Variants in JCHAIN observed in about 807,000 individuals in gnomAD.
The protein encoded by JCHAIN is immunoglobulin J chain.
JCHAIN carries 5 observed loss-of-function variants against 11.1 expected under a neutral mutation model. The observed-to-expected ratio is 0.45, with a 90% confidence interval of 0.24 to 0.95. The LOEUF (loss-of-function observed/expected upper bound fraction) is 0.95. Ranked by LOEUF, JCHAIN falls within the 40% of genes least tolerant of loss-of-function variation. The probability of loss-of-function intolerance (pLI) is 0.21; values close to 1 mark genes in which losing one functional copy is unlikely to be tolerated. For synonymous variants in JCHAIN, 51 were observed against 67.8 expected (o/e 0.75, Z 1.22); for missense variants, 165 against 192.7 (o/e 0.86, Z 0.85).
intron 2 of JCHAIN, among the ~76,000 whole-genome samples, chr4:70,659,056 T>C (rs1344560935): frequency 6.6e-6 from 1 of 152,178 alleles, no homozygotes; most frequent in Non-Finnish European, 1.5e-5. Context: ...TCTAGTAATA[T>C]CAGAAAAAGG....
intron 3 of JCHAIN, 48 bp downstream of exon 3, chr4:70,657,163 G>A: frequency 1.1e-6 from 1 of 944,044 alleles, no homozygotes; most frequent in Middle Eastern, 2.2e-4. Context: ...AAAATTAAAA[G>A]CTATTAACTT....
chr4:70,657,905 C>G (rs961806852), intron 2 of JCHAIN, among the ~76,000 whole-genome samples: 1 of 152,158 alleles, frequency 6.6e-6, no homozygotes, highest in African/African-American at 2.4e-5. Flanking sequence ...AAAGCTGGAA[C>G]TTTTTCATCG....
intron 3 of JCHAIN, among the ~76,000 whole-genome samples, chr4:70,656,857 G>A (rs1281107490): frequency 3.9e-5 from 6 of 152,100 alleles, no homozygotes; most frequent in Non-Finnish European, 4.4e-5. Flanking sequence ...ATAGTGACAA[G>A]AAAGGGAGAA....
chr4:70,656,637 G>GACATGACAGC, intron 3 of JCHAIN, 98 bp from the exon 4 acceptor site: 1 of 828,294 alleles, frequency 1.2e-6, no homozygotes, highest in South Asian at 1.5e-5. Flanking sequence ...TTGCAGCTCT[G>GACATGACAGC]ACATGACAGC....
chr4:70,661,867 T>G (rs903351971), intron 2 of JCHAIN, among the ~76,000 whole-genome samples: 2 of 152,248 alleles, frequency 1.3e-5, no homozygotes, highest in Non-Finnish European at 2.9e-5. Context: ...TGTTTATAAT[T>G]TGATGTAGCC....
intron 1 of JCHAIN, among the ~76,000 whole-genome samples, chr4:70,662,726 C>A (rs1246972731): frequency 6.6e-6 from 1 of 152,018 alleles, no homozygotes; most frequent in African/African-American, 2.4e-5. Flanking sequence ...TTTGGGAGGC[C>A]GAGGCGGGCA....
chr4:70,657,544 C>A (rs1181203617), intron 2 of JCHAIN, among the ~76,000 whole-genome samples: 2 of 152,100 alleles, frequency 1.3e-5, no homozygotes, highest in East Asian at 3.9e-4. Flanking sequence ...TTTTGCTTTT[C>A]CTTTAAAACT....
chr4:70,662,279 GTTATT>G, intron 1 of JCHAIN, 64 bp from the exon 2 acceptor site: 1 of 1,438,630 alleles, frequency 7.0e-7, no homozygotes, highest in Non-Finnish European at 9.6e-7. Flanking sequence ...TTTGTATTGA[GTTATT>G]TTATCTTTCT....
In JCHAIN at chr4:70,666,434, A is replaced by T; in HGVS notation, c.57T>A (p.His19Gln). 1 of 1,607,200 alleles carries T rather than the reference A, an allele frequency of 6.2e-7. No homozygotes were observed. The highest frequency in any genetic ancestry group is 1.7e-4 in the Middle Eastern group (1 of 6,048). ...GVLAVFIKAV[H>Q]VKAQEDERIV... Reference sequence around the variant, plus strand: ...TTTCTAAATATCACATACCTTTCACATGAACAGCCTTAATAAAAACCGCCA... The same window carrying T: ...TTTCTAAATATCACATACCTTTCACTTGAACAGCCTTAATAAAAACCGCCA... Residue 19 changes from histidine (H) to glutamine (Q), a missense_variant, in exon 1 of 4, where the codon CAT becomes CAA. Transcript: ENST00000254801.
intron 1 of JCHAIN, among the ~76,000 whole-genome samples, chr4:70,665,425 A>G (rs957987401): frequency 1.3e-5 from 2 of 152,136 alleles, no homozygotes; most frequent in African/African-American, 4.8e-5. Flanking sequence ...TGTTTTATAT[A>G]CAGATGGTCC....
In JCHAIN at chr4:70,662,163, C is replaced by G. The variant is rs1244012585; in HGVS notation, c.117G>C (p.Arg39=). The change falls in exon 2 of 4, where the codon CGG becomes CGC. Residue 39 remains arginine (R), a synonymous_variant. Coordinates refer to ENST00000254801, the MANE Select transcript of JCHAIN (RefSeq NM_144646.4). ...AAGAACGGATGATCCTGGAAGTAAT[C>G]CGGGCACACTTACATTTGTTGTCAA... The part of the protein sequence containing the change: ...VLVDNKCKCA[R]ITSRIIRSSE... The G allele has an allele frequency of 6.2e-7, 1 of 1,613,134 alleles. No homozygotes were observed. The highest frequency in any genetic ancestry group is 8.5e-7 in the Non-Finnish European group (1 of 1,179,246).
At chr4:70,662,314 T>C (rs777312619) in intron 1 of JCHAIN, 99 bp from the exon 2 acceptor site, 4 of 1,071,748 alleles carry the variant, frequency 3.7e-6, no homozygotes, top group Non-Finnish European at 5.4e-6. Context: ...AAAAATAGTT[T>C]TATGGTTGGT....
At chr4:70,659,339 CAGG>C (rs1240965517) in intron 2 of JCHAIN, among the ~76,000 whole-genome samples, 1 of 151,494 alleles carries the variant, frequency 6.6e-6, no homozygotes, top group Admixed American at 6.6e-5. Context: ...TGCTTGAGGT[CAGG>C]AGTTCAAGCC....
chr4:70,657,307 G>GAAAAGAAAT lies in JCHAIN; in HGVS notation c.189-17_189-16insATTTCTTTT. 6.7e-7 allele frequency: 1 copy of GAAAAGAAAT among 1,499,966 alleles called. No homozygotes were observed. The highest frequency in any genetic ancestry group is 1.1e-5 in the South Asian group (1 of 88,344). The allele number at this position is 1,499,966 out of a possible 1,614,324, so 92.9% of individuals were successfully genotyped here. A position where few individuals can be genotyped will look rare whatever the true frequency, so the allele number is the denominator to read the frequency against. On this transcript the variant is annotated splice_polypyrimidine_tract_variant and intron_variant, in intron 2 of 3. Coordinates refer to ENST00000254801, the MANE Select transcript of JCHAIN (RefSeq NM_144646.4). ...CAGAGGAACACTAAAAGAAAAGAAA[G>GAAAAGAAAT]AAAACAAAGTTAAAACAATGAAATG...
chr4:70,657,788 A>G (rs185885825), intron 2 of JCHAIN, among the ~76,000 whole-genome samples: 101 of 152,266 alleles, frequency 6.6e-4, no homozygotes, highest in Non-Finnish European at 2.6e-4. Flanking sequence ...TATGTTCAAT[A>G]TATGTGAAAT....
At chr4:70,663,320 A>C (rs1391767380) in intron 1 of JCHAIN, 1 of 151,742 alleles carries the variant, frequency 6.6e-6, no homozygotes, top group Non-Finnish European at 1.5e-5. Context: ...CCTCCCAAGT[A>C]GCTGGGACTA....
At chr4:70,659,673 C>A (rs1739019065) in intron 2 of JCHAIN, among the ~76,000 whole-genome samples, 1 of 150,014 alleles carries the variant, frequency 6.7e-6, no homozygotes. Flanking sequence ...ACTAGCCTGG[C>A]CAACATGGTG....
intron 2 of JCHAIN, among the ~76,000 whole-genome samples, chr4:70,661,002 A>C (rs1739044216): frequency 6.6e-6 from 1 of 152,212 alleles, no homozygotes; most frequent in African/African-American, 2.4e-5. Context: ...AAAAAGTTGA[A>C]GTTCAAAGTA....
chr4:70,660,471 C>G (rs1329286350), intron 2 of JCHAIN, among the ~76,000 whole-genome samples: 5 of 151,486 alleles, frequency 3.3e-5, no homozygotes, highest in Non-Finnish European at 7.4e-5. Flanking sequence ...GCAACCTCCG[C>G]CTTCCGGGTT....
Sources: gnomAD v4.1 joint callset for allele counts (sites outside exome capture counted in the v4.1 genomes callset) on GRCh38, gnomAD v4.1.1 for gene constraint, MANE v1.5 for transcripts, NCBI Gene and HGNC (gene_info 2026-07-23, HGNC 2026-07-21) for gene names.